HPSE2: variants seen among roughly 807,000 people sequenced by gnomAD.
HPSE2 encodes inactive heparanase-2.
A neutral mutation model predicts 60.5 loss-of-function variants in HPSE2; 38 were observed. The observed-to-expected ratio is 0.63, with a 90% CI of 0.48 to 0.82. HPSE2 has a LOEUF of 0.82. Ranked by LOEUF, HPSE2 falls within the 40% of genes least tolerant of loss-of-function variation. The pLI is 0.00. For synonymous variants in HPSE2, 295 were observed against 293.2 expected, an observed-to-expected ratio of 1.01 and a Z score of -0.06; for missense variants, 713 against 740.4, an observed-to-expected ratio of 0.96 and a Z score of 0.43.
Position 98,908,143 on chromosome 10 carries a change from T to C in HPSE2, c.611-164087A>G, listed in dbSNP as rs145003679. The stretch of plus-strand genomic sequence containing the variant: ...GTGCTAGGCACTATTCTAAGCTCTT[T>C]ACCTGCAGTAAGTTGTTAATTAGTC... On this transcript the variant is annotated intron_variant, in intron 3 of 11. Transcript: ENST00000370552. 4.0e-3 allele frequency among the ~76,000 whole-genome samples: 609 copies of C among 152,286 alleles called. 3 individuals are homozygous for C. The highest frequency in any genetic ancestry group is 0.014 in the African/African-American group (591 of 41,548).
chr10:99,110,028 A>C (rs1408444130), intron 3 of HPSE2, among the ~76,000 whole-genome samples: 4 of 152,170 alleles, frequency 2.6e-5, no homozygotes, highest in Non-Finnish European at 4.4e-5. Flanking sequence ...CGATAGCAAA[A>C]ATTTGTATCA....
chr10:98,629,759 G>C (rs1433332749), intron 7 of HPSE2, among the ~76,000 whole-genome samples: 1 of 152,216 alleles, frequency 6.6e-6, no homozygotes, highest in African/African-American at 2.4e-5. Flanking sequence ...TGTGCTCAGA[G>C]AGGTCTGTTT....
chr10:98,636,244 T>TTG (rs1040528001), intron 7 of HPSE2, among the ~76,000 whole-genome samples: 7 of 151,536 alleles, frequency 4.6e-5, no homozygotes, highest in Non-Finnish European at 7.4e-5. Context: ...TGTTTTTTTT[T>TTG]TTGTTTTTTT....
intron 2 of HPSE2, among the ~76,000 whole-genome samples, chr10:99,182,772 A>G (rs558625273): frequency 7.6e-4 from 115 of 152,218 alleles, no homozygotes; most frequent in African/African-American, 2.6e-3. Context: ...CTGAGGGGGC[A>G]GATCATGAGG....
chr10:98,506,562 T>A (rs564227485), intron 9 of HPSE2, among the ~76,000 whole-genome samples: 1 of 152,278 alleles, frequency 6.6e-6, no homozygotes, highest in South Asian at 2.1e-4. Context: ...TCCTCCTGCC[T>A]CAGGTTCCCC....
chr10:99,076,816 C>T (rs559267224), intron 3 of HPSE2, among the ~76,000 whole-genome samples: 1 of 152,214 alleles, frequency 6.6e-6, no homozygotes, highest in Non-Finnish European at 1.5e-5. Context: ...TTTACATTTT[C>T]CTATGCTTTT....
At chr10:99,118,523 C>CA (rs34901531) in intron 3 of HPSE2, among the ~76,000 whole-genome samples, 61,298 of 102,060 alleles carry the variant, frequency 0.6, 18,790 homozygotes, top group South Asian at 0.77. Context: ...ACTCCTTCTC[C>CA]AAAAAAAAAA....
rs10682911 is a variant in HPSE2, at chr10:98,600,959, TGAGA to T, written c.1320+13941_1320+13944del. Among the ~76,000 whole-genome samples, 5 of 128,800 alleles carry T rather than the reference TGAGA, an allele frequency of 3.9e-5. No individual in the cohort carries two copies. In the Admixed American group the frequency reaches 4.0e-4, roughly 10 times the overall value. The allele number at this position is 128,800 out of a possible 152,430, so 84.5% of individuals were successfully genotyped here. On this transcript the variant is annotated intron_variant, in intron 9 of 11. Transcript: ENST00000370552. ...TATATATAGAAAGAGAGAAAGAGAG[TGAGA>T]GAGAGAGAGAGAAAGAAACAGACAG...
intron 4 of HPSE2, among the ~76,000 whole-genome samples, chr10:98,723,948 T>C (rs887259070): frequency 6.6e-6 from 1 of 152,210 alleles, no homozygotes; most frequent in Non-Finnish European, 1.5e-5. Flanking sequence ...GAAGGGTTTT[T>C]TGTGTCTCTA....
chr10:98,817,753 G>A (rs1024808120), intron 3 of HPSE2, among the ~76,000 whole-genome samples: 2 of 152,032 alleles, frequency 1.3e-5, no homozygotes, highest in Admixed American at 6.6e-5. Context: ...AAGCTCCATC[G>A]GAATAATGAG....
intron 3 of HPSE2, among the ~76,000 whole-genome samples, chr10:99,063,892 A>C (rs977631678): frequency 6.6e-6 from 1 of 152,184 alleles, no homozygotes; most frequent in African/African-American, 2.4e-5. Flanking sequence ...CAGGAGATTG[A>C]GATCATCCTG....
At chr10:98,997,106 C>A (rs1236720660) in intron 3 of HPSE2, among the ~76,000 whole-genome samples, 1 of 130,938 alleles carries the variant, frequency 7.6e-6, no homozygotes, top group African/African-American at 2.7e-5. Context: ...TCAATACAGA[C>A]CCTTTCTTTT....
At chr10:99,169,674 C>CAGTG (rs1298410434) in intron 2 of HPSE2, among the ~76,000 whole-genome samples, 2 of 151,784 alleles carry the variant, frequency 1.3e-5, no homozygotes, top group African/African-American at 2.4e-5. Context: ...TCAGGCAAGA[C>CAGTG]AGTGCTTCAT....
chr10:99,276,798 G>C, the HPSE2 span, among the ~76,000 whole-genome samples: 1 of 152,076 alleles, frequency 6.6e-6, no homozygotes. Context: ...AAGTACCCTA[G>C]TATGTCAAAT....
At chr10:99,200,313 T>A (rs1397546834) in intron 2 of HPSE2, among the ~76,000 whole-genome samples, 1 of 152,098 alleles carries the variant, frequency 6.6e-6, no homozygotes, top group Non-Finnish European at 1.5e-5. Context: ...ATCAAACATT[T>A]TATAAGTAAC....
intron 5 of HPSE2, among the ~76,000 whole-genome samples, chr10:98,713,526 TG>T (rs1948723570): frequency 6.6e-6 from 1 of 151,812 alleles, no homozygotes; most frequent in African/African-American, 2.4e-5. Flanking sequence ...AACATGTTAG[TG>T]GAACATTAAT....
intron 3 of HPSE2, among the ~76,000 whole-genome samples, chr10:98,960,095 A>G (rs1406108410): frequency 6.6e-6 from 1 of 152,186 alleles, no homozygotes; most frequent in Admixed American, 6.6e-5. Flanking sequence ...AATACTTCCA[A>G]GGAAGTGAGA....
chr10:98,817,059 C>CTCCT (rs1006438230), intron 3 of HPSE2, among the ~76,000 whole-genome samples: 33 of 152,066 alleles, frequency 2.2e-4, no homozygotes, highest in African/African-American at 7.7e-4. Flanking sequence ...TCTTGAGCTC[C>CTCCT]TCCCTCCCTC....
chr10:98,734,473 G>T (rs1230074947), intron 4 of HPSE2, among the ~76,000 whole-genome samples: 5 of 152,196 alleles, frequency 3.3e-5, no homozygotes, highest in African/African-American at 1.2e-4. Context: ...CCCACCAGCA[G>T]TGTGTGAAGG....
Sources: gnomAD v4.1 joint callset for allele counts (sites outside exome capture counted in the v4.1 genomes callset) on GRCh38, gnomAD v4.1.1 for gene constraint, MANE v1.5 for transcripts, NCBI Gene and HGNC (gene_info 2026-07-23, HGNC 2026-07-21) for gene names.